Variants in TULP4 observed in about 807,000 individuals in gnomAD.
TULP4 encodes the protein tubby-related protein 4.
TULP4 carries 16 observed loss-of-function variants against 129.0 expected under a neutral mutation model. The ratio of observed to expected loss-of-function variants is 0.12; its 90% confidence interval spans 0.08 to 0.19. The LOEUF (loss-of-function observed/expected upper bound fraction) is 0.19, where lower values mean the gene tolerates loss of function less well. TULP4 is among the 10% of genes least tolerant of loss of function. TULP4 has a pLI of 1.00. For missense variants in TULP4, 1,842 were observed against 2,059.1 expected (o/e 0.89, Z 2.04); for synonymous variants, 998 against 854.0 (o/e 1.17, Z -2.94).
chr6:158,410,341 G>T (rs927938768), intron 1 of TULP4, among the ~76,000 whole-genome samples: 2 of 151,994 alleles, frequency 1.3e-5, no homozygotes, highest in Non-Finnish European at 2.9e-5. Context: ...TTCATGGAGA[G>T]GTTTGTTTTT....
Position 158,465,569 on chromosome 6 carries a change from C to T in TULP4, c.1026+3840C>T, listed in dbSNP as rs528635494. Among the ~76,000 whole-genome samples, 36 of 152,206 alleles carry T rather than the reference C, an allele frequency of 2.4e-4. 1 individual carries two copies. Among genetic ancestry groups the T allele is most frequent in the Non-Finnish European group, 1.8e-4 (12 of 67,998 alleles). On this transcript the variant is annotated intron_variant, in intron 6 of 13. Coordinates refer to ENST00000367097, the MANE Select transcript of TULP4 (RefSeq NM_020245.5). The stretch of plus-strand genomic sequence containing the variant: ...TATTTTTAATTTTGTGAGGAACTGC[C>T]GTACTGTTTTTTCATAGCAGCTTGT...
chr6:158,412,199 T>C (rs938686439), intron 1 of TULP4, among the ~76,000 whole-genome samples: 9 of 152,206 alleles, frequency 5.9e-5, no homozygotes, highest in African/African-American at 2.2e-4. Flanking sequence ...GTGTGCTGAA[T>C]GTGTCAGACT....
At chr6:158,241,947 T>A in intron 1 of TULP4, 1 of 861,658 alleles carries the variant, frequency 1.2e-6, no homozygotes, top group Non-Finnish European at 2.0e-6. Flanking sequence ...TAAACTCTAC[T>A]CTTTCCGCAT....
chr6:158,279,625 T>C (rs576833870), upstream of TULP4, among the ~76,000 whole-genome samples: 1 of 152,314 alleles, frequency 6.6e-6, no homozygotes, highest in Admixed American at 6.5e-5. Flanking sequence ...TGATTAATTA[T>C]GTTAAGAAAA....
intron 1 of TULP4, among the ~76,000 whole-genome samples, chr6:158,343,783 A>T (rs1293773539): frequency 2.0e-5 from 3 of 152,260 alleles, no homozygotes; most frequent in African/African-American, 7.2e-5. Context: ...GATTTAAAAT[A>T]CTTTTAAAAA....
chr6:158,269,311 A>T (rs1470604807), intron 1 of TULP4, among the ~76,000 whole-genome samples: 1 of 151,012 alleles, frequency 6.6e-6, no homozygotes, highest in Non-Finnish European at 1.5e-5. Context: ...GAACTAAGCT[A>T]TGTCACTAAT....
chr6:158,476,503 C>T (rs902773112), intron 6 of TULP4, among the ~76,000 whole-genome samples: 1 of 152,126 alleles, frequency 6.6e-6, no homozygotes, highest in African/African-American at 2.4e-5. Context: ...CCAAGTCGTC[C>T]GAGCGAATGC....
chr6:158,254,982 G>C (rs530951446), intron 1 of TULP4, among the ~76,000 whole-genome samples: 2 of 152,246 alleles, frequency 1.3e-5, no homozygotes, highest in East Asian at 3.8e-4. Flanking sequence ...TGAGTCAGGA[G>C]AATCACTTGA....
intron 1 of TULP4, among the ~76,000 whole-genome samples, chr6:158,352,927 G>A (rs577874029): frequency 6.6e-6 from 1 of 152,174 alleles, no homozygotes; most frequent in Non-Finnish European, 1.5e-5. Flanking sequence ...AAGGAAAAGT[G>A]TATGAGTTTT....
At chr6:158,262,434 C>G (rs972471361) in intron 1 of TULP4, among the ~76,000 whole-genome samples, 17 of 152,132 alleles carry the variant, frequency 1.1e-4, no homozygotes, top group Admixed American at 7.2e-4. Context: ...TTCAGAGGCA[C>G]ATTCTCAGGG....
chr6:158,470,066 G>A (rs1348055705), intron 6 of TULP4, among the ~76,000 whole-genome samples: 1 of 152,202 alleles, frequency 6.6e-6, no homozygotes, highest in African/African-American at 2.4e-5. Flanking sequence ...GAAGAGAACC[G>A]TGGAACCCAG....
At chr6:158,425,043 A>G (rs112844338) in intron 2 of TULP4, among the ~76,000 whole-genome samples, 153 of 150,362 alleles carry the variant, frequency 1.0e-3, no homozygotes, top group African/African-American at 3.5e-3. Flanking sequence ...ATTCGCAGCT[A>G]CTCGGGAGGC....
At chr6:158,452,335 C>A in intron 5 of TULP4, 67 bp downstream of exon 5, 1 of 1,577,270 alleles carries the variant, frequency 6.3e-7, no homozygotes, top group South Asian at 1.2e-5. Context: ...CAAGGCCGGT[C>A]TTGTACACTC....
chr6:158,397,666 C>T (rs1240617064), intron 1 of TULP4, among the ~76,000 whole-genome samples: 1 of 152,128 alleles, frequency 6.6e-6, no homozygotes, highest in Non-Finnish European at 1.5e-5. Flanking sequence ...ATTGGACACC[C>T]CTGTACTAAA....
In TULP4 at chr6:158,503,612, G is replaced by A. The variant is rs1780525739; in HGVS notation, c.3949G>A (p.Glu1317Lys). The part of the protein sequence containing the change: ...VMVETADNFQ[E>K]VLSLTESPVP... ...GGTAGAGACTGCAGACAACTTCCAG[G>A]AAGTCCTCTCCCTGACCGAAAGCCC... The change falls in exon 13 of 14, where the codon GAA becomes AAA. Residue 1317 changes from glutamate to lysine, a missense_variant. Physicochemically the swap from Glu to Lys is moderately conservative, Grantham distance 56. Transcript: ENST00000367097. This position sits in a 1 kb window ranked among gnomAD's most constrained non-coding sequence, Gnocchi z 4.3. The A allele has an allele frequency of 1.2e-5, 20 of 1,614,080 alleles. No homozygotes were observed. Among genetic ancestry groups the A allele is most frequent in the Admixed American group, 3.3e-5 (2 of 60,026 alleles).
intron 8 of TULP4, chr6:158,481,595 C>T (rs924563131): frequency 2.3e-6 from 1 of 434,936 alleles, no homozygotes; most frequent in Non-Finnish European, 4.2e-6. Flanking sequence ...TTCACAGTTA[C>T]CGAGTATTCA....
chr6:158,426,658 C>T (rs1215624440), intron 2 of TULP4, among the ~76,000 whole-genome samples: 1 of 152,162 alleles, frequency 6.6e-6, no homozygotes, highest in East Asian at 1.9e-4. Flanking sequence ...AGCATGATGC[C>T]TCCAGCTTTG....
At chr6:158,281,548 A>G (rs1055015530), upstream of TULP4, among the ~76,000 whole-genome samples, 8 of 152,130 alleles carry the variant, frequency 5.3e-5, no homozygotes, top group African/African-American at 9.7e-5. Flanking sequence ...AGGTGGTTAC[A>G]TTTCACAGCG....
chr6:158,314,041 C>T lies in TULP4; in HGVS notation c.25C>T (p.Pro9Ser), dbSNP rs1346902397. ...TATGTATGCAGCAGTGGAACATGGG[C>T]CTGTGCTTTGCAGCGATTCCAACAT... MYAAVEHGPVLCSDSNILC... is the reference protein window; with the variant it reads MYAAVEHGSVLCSDSNILC... Residue 9 changes from proline to serine, a missense_variant, in exon 1 of 14, where the codon CCT becomes TCT. By Grantham distance (74) the Pro-to-Ser change is moderately conservative. Around this residue, in one of 5 missense-constraint regions of TULP4, gnomAD observed 151 missense variants for 268.7 expected, o/e 0.56. Coordinates refer to ENST00000367097, the MANE Select transcript of TULP4 (RefSeq NM_020245.5). 3 of 1,614,072 alleles carry T rather than the reference C, an allele frequency of 1.9e-6. No homozygotes were observed. The Admixed American group carries it at 5.0e-5, about 27-fold the overall frequency.
Sources: allele counts gnomAD v4.1 joint callset (sites outside exome capture counted in the v4.1 genomes callset), GRCh38; gene constraint gnomAD v4.1.1; regional missense constraint gnomAD v4.1.1; non-coding constraint Gnocchi (gnomAD v3.1); transcripts MANE v1.5; gene names NCBI Gene and HGNC (gene_info 2026-07-23, HGNC 2026-07-21).